Variants in ACOX1 observed in about 807,000 individuals in gnomAD.
ACOX1 encodes peroxisomal acyl-coenzyme A oxidase 1.
A neutral mutation model predicts 75.5 loss-of-function variants in ACOX1; 41 were observed. That is an observed-to-expected ratio of 0.54 (90% CI 0.42 to 0.70). ACOX1 has a LOEUF of 0.70. ACOX1 is among the 30% of genes least tolerant of loss of function. The pLI is 0.00. For missense variants in ACOX1, 630 were observed against 837.5 expected, an observed-to-expected ratio of 0.75 and a Z score of 3.06; for synonymous variants, 303 against 298.8, an observed-to-expected ratio of 1.01 and a Z score of -0.15.
Position 75,979,145 on chromosome 17 carries a change from CG to C in ACOX1, c.-73del. ...TGACAATCTAAATCCGCAGCTCCAG[CG>C]CCGGCCGGACCCTAGGAGGCAGCCT... On this transcript the variant is annotated 5_prime_UTR_variant, in exon 1 of 14. Coordinates refer to ENST00000293217, the MANE Select transcript of ACOX1 (RefSeq NM_004035.7). 1 of 1,578,746 alleles carries C rather than the reference CG, an allele frequency of 6.3e-7. No individual in the cohort carries two copies. The highest frequency in any genetic ancestry group is 1.3e-5 in the African/African-American group (1 of 74,316).
Position 75,978,687 on chromosome 17 carries a change from A to T in ACOX1, c.116T>A (p.Met39Lys), listed in dbSNP as rs971873945. The change falls in exon 2 of 14, where the codon ATG (methionine) becomes AAG (lysine). Residue 39 changes from methionine (M) to lysine (K), a missense_variant. Around this residue, in one of 2 missense-constraint regions of ACOX1, gnomAD observed 390 missense variants for 574.9 expected, o/e 0.68. Transcript: ENST00000293217. The surrounding 1 kb of genome is among the most constrained non-coding windows in gnomAD (Gnocchi z 4.2). ...KTRRRREIEN[M>K]ILNDPDFQHE... ...CTGGAAGTCTGGGTCGTTCAGGATC[A>T]TGTTCTCTGAAAGGGGGTTAAAGGG... 3 of 1,613,892 alleles carry T rather than the reference A, an allele frequency of 1.9e-6. No individual in the cohort carries two copies. Among genetic ancestry groups the T allele is most frequent in the Non-Finnish European group, 2.5e-6 (3 of 1,180,046 alleles).
chr17:75,952,076 G>A (rs908250881), intron 7 of ACOX1, among the ~76,000 whole-genome samples: 13 of 152,074 alleles, frequency 8.5e-5, no homozygotes, highest in African/African-American at 2.9e-4. Flanking sequence ...AGTCTTTCCA[G>A]TATGACTAAG....
At chr17:75,973,364 C>T (rs566408659) in intron 2 of ACOX1, 121 of 507,002 alleles carry the variant, frequency 2.4e-4, no homozygotes, top group South Asian at 2.2e-3. Flanking sequence ...TGGGGTTCCC[C>T]GCTGCACTGT....
In ACOX1 at chr17:75,960,138, G is replaced by T; in HGVS notation, c.430+77C>A. The T allele has an allele frequency of 6.4e-7, 1 of 1,557,366 alleles. No individual in the cohort carries two copies. Among genetic ancestry groups the T allele is most frequent in the Non-Finnish European group, 8.8e-7 (1 of 1,132,082 alleles). ...ATAGAACATCGACACACCATCGATG[G>T]CACATGGTGGGCACTCCACACATGG... On this transcript the variant is annotated intron_variant, in intron 3 of 13. Coordinates refer to ENST00000293217, the MANE Select transcript of ACOX1 (RefSeq NM_004035.7). The surrounding 1 kb of genome is among the most constrained non-coding windows in gnomAD (Gnocchi z 4.4).
At chr17:75,948,187 G>C (rs1461777779) in intron 13 of ACOX1, 64 bp downstream of exon 13, 65 of 1,526,684 alleles carry the variant, frequency 4.3e-5, no homozygotes, top group Non-Finnish European at 5.8e-5. Flanking sequence ...CCTTCGAGAG[G>C]CCTTTCCTGC....
At position 75,946,693 on chromosome 17, in the gene ACOX1, T is replaced by C; in HGVS notation, c.*55A>G. 1 of 1,519,484 alleles carries C rather than the reference T, an allele frequency of 6.6e-7. No individual in the cohort carries two copies. The highest frequency in any genetic ancestry group is 9.1e-7 in the Non-Finnish European group (1 of 1,094,790). The allele number at this position is 1,519,484 out of a possible 1,614,324, so 94.1% of individuals were successfully genotyped here. The stretch of plus-strand genomic sequence containing the variant: ...TGAATTCGAAAAAGATTCCACAAAA[T>C]TTGAGTTGCACACAGGCGCTTTCTG... On this transcript the variant is annotated 3_prime_UTR_variant, in exon 14 of 14. Coordinates refer to ENST00000293217, the MANE Select transcript of ACOX1 (RefSeq NM_004035.7).
intron 2 of ACOX1, chr17:75,973,343 G>C: frequency 2.2e-6 from 1 of 458,542 alleles, no homozygotes; most frequent in South Asian, 2.1e-5. Context: ...ATTAGACCCA[G>C]AGTAACATAA....
At chr17:75,955,742 C>T in intron 5 of ACOX1, 61 bp from the exon 6 acceptor site, 1 of 1,612,242 alleles carries the variant, frequency 6.2e-7, no homozygotes, top group Non-Finnish European at 8.5e-7. Flanking sequence ...GGCTTTTGCT[C>T]CGCCTCTTCA....
At chr17:75,953,745 C>G (rs2065796137) in intron 6 of ACOX1, 125 bp from the exon 7 acceptor site, 4 of 1,124,092 alleles carry the variant, frequency 3.6e-6, no homozygotes, top group Non-Finnish European at 5.3e-6. Context: ...TGAAATACTA[C>G]ATCTTAGTCC....
At chr17:75,963,068 T>C (rs1339489857) in intron 2 of ACOX1, among the ~76,000 whole-genome samples, 1 of 151,596 alleles carries the variant, frequency 6.6e-6, no homozygotes, top group Non-Finnish European at 1.5e-5. Flanking sequence ...GAGGCAAAGG[T>C]TGCAGTGAGC....
At chr17:75,951,330 C>A in intron 8 of ACOX1, 85 bp downstream of exon 8, 1 of 1,530,958 alleles carries the variant, frequency 6.5e-7, no homozygotes, top group Non-Finnish European at 9.0e-7. Flanking sequence ...CAGGAAATAC[C>A]AACATTTAGT....
intron 2 of ACOX1, among the ~76,000 whole-genome samples, chr17:75,972,966 C>T (rs2066011075): frequency 6.6e-6 from 1 of 152,184 alleles, no homozygotes; most frequent in South Asian, 2.1e-4. Context: ...ATTCCAAACA[C>T]TCAAACCTGC....
chr17:75,958,441 G>A (rs1479059682), intron 3 of ACOX1, among the ~76,000 whole-genome samples: 6 of 147,942 alleles, frequency 4.1e-5, no homozygotes, highest in Admixed American at 6.6e-5. Context: ...GGCCGAGGTG[G>A]GGGGATCACG....
chr17:75,952,823 T>C (rs2065787053), intron 7 of ACOX1, among the ~76,000 whole-genome samples: 1 of 133,490 alleles, frequency 7.5e-6, no homozygotes, highest in Admixed American at 7.8e-5. Context: ...AGAGTGAGAA[T>C]CCATCTCAAA....
chr17:75,955,991 T>C lies in ACOX1; in HGVS notation c.539-44A>G, dbSNP rs776879618. On this transcript the variant is annotated intron_variant, in intron 4 of 13. Transcript: ENST00000293217. ...CAAGGGAGGGGTGGGCAAACGTTCA[T>C]ACATTTTTAAAGGGTAGAAAAAAGA... 1.9e-6 allele frequency: 3 copies of C among 1,613,308 alleles called. No individual in the cohort carries two copies. In the Admixed American group the frequency reaches 5.0e-5, roughly 27 times the overall value.
intron 6 of ACOX1, among the ~76,000 whole-genome samples, chr17:75,954,075 C>T (rs1162094102): frequency 6.6e-6 from 1 of 151,512 alleles, no homozygotes; most frequent in African/African-American, 2.4e-5. Flanking sequence ...AAATTAGCTG[C>T]GTGTGGTGGC....
At chr17:75,951,623 A>G (rs2065775136) in intron 7 of ACOX1, 46 bp from the exon 8 acceptor site, 4 of 1,599,782 alleles carry the variant, frequency 2.5e-6, no homozygotes, top group Non-Finnish European at 3.4e-6. Flanking sequence ...AAATGTTTAT[A>G]CAGAACTTTC....
chr17:75,944,695 C>CT lies in ACOX1; in HGVS notation c.*2052_*2053insA, dbSNP rs1281093622. The CT allele has an allele frequency of 2.2e-4, 33 of 152,072 alleles. No individual in the cohort carries two copies. Among genetic ancestry groups the CT allele is most frequent in the African/African-American group, 7.7e-4 (32 of 41,420 alleles). 9.4% of individuals were successfully genotyped at this position (152,072 alleles called of 1,614,324 possible). A position where few individuals can be genotyped will look rare whatever the true frequency, so the allele number is the denominator to read the frequency against. On this transcript the variant is annotated 3_prime_UTR_variant, in exon 14 of 14. Transcript: ENST00000293217. ...ATTCTTGATTATATTGAATAAAGTT[C>CT]AAGACAGAACATTCCAATATTAATA...
intron 2 of ACOX1, among the ~76,000 whole-genome samples, chr17:75,974,814 C>T: frequency 6.6e-6 from 1 of 151,774 alleles, no homozygotes; most frequent in South Asian, 2.1e-4. Flanking sequence ...GGGTGGATCA[C>T]GAGGTCAGGA....
Sources: gnomAD v4.1 joint callset for allele counts (sites outside exome capture counted in the v4.1 genomes callset) on GRCh38, gnomAD v4.1.1 for gene constraint, gnomAD v4.1.1 regional missense constraint, Gnocchi (gnomAD v3.1) non-coding constraint, MANE v1.5 for transcripts, NCBI Gene and HGNC (gene_info 2026-07-23, HGNC 2026-07-21) for gene names.